Variants in NSMCE2 observed in about 807,000 individuals in gnomAD.
NSMCE2 encodes E3 SUMO-protein ligase NSE2.
Under a neutral mutation model 23.8 loss-of-function variants are expected in NSMCE2, and 24 were observed. The ratio of observed to expected loss-of-function variants is 1.01; its 90% CI spans 0.73 to 1.42. NSMCE2 has a LOEUF of 1.42. Among genes scored for constraint, NSMCE2 ranks in the 40% most tolerant of loss-of-function variants. The pLI is 0.00. For synonymous variants in NSMCE2, 92 were observed against 94.1 expected, an observed-to-expected ratio of 0.98 and a Z score of 0.13; for missense variants, 284 against 296.5, an observed-to-expected ratio of 0.96 and a Z score of 0.31.
chr8:125,102,689 G>A (rs972353346), intron 3 of NSMCE2, among the ~76,000 whole-genome samples: 2 of 152,160 alleles, frequency 1.3e-5, no homozygotes, highest in African/African-American at 2.4e-5. Flanking sequence ...AGACAGTTAA[G>A]TTCCATGAGA....
At chr8:125,109,036 A>G (rs1818604428) in intron 3 of NSMCE2, among the ~76,000 whole-genome samples, 1 of 152,230 alleles carries the variant, frequency 6.6e-6, no homozygotes, top group Non-Finnish European at 1.5e-5. Flanking sequence ...GCCAAAGAGG[A>G]GATTATGTCA....
intron 5 of NSMCE2, among the ~76,000 whole-genome samples, chr8:125,220,255 A>G (rs957962014): frequency 1.3e-5 from 2 of 152,150 alleles, no homozygotes; most frequent in Admixed American, 6.5e-5. Context: ...TGATGTTGCA[A>G]TCTTTATTTT....
At chr8:125,245,138 C>T (rs1246636623) in intron 5 of NSMCE2, among the ~76,000 whole-genome samples, 3 of 152,024 alleles carry the variant, frequency 2.0e-5, no homozygotes, top group African/African-American at 7.3e-5. Flanking sequence ...AAAAAATTAG[C>T]CCGGCGTGGT....
chr8:125,113,335 A>C (rs1818855937), intron 3 of NSMCE2, among the ~76,000 whole-genome samples: 1 of 152,146 alleles, frequency 6.6e-6, no homozygotes, highest in South Asian at 2.1e-4. Flanking sequence ...AAACATTTTT[A>C]AAATGAGTCA....
chr8:125,207,542 A>G (rs1218978164), intron 5 of NSMCE2, among the ~76,000 whole-genome samples: 1 of 152,236 alleles, frequency 6.6e-6, no homozygotes, highest in African/African-American at 2.4e-5. Flanking sequence ...AGAAATTAGT[A>G]TTGTGACACC....
chr8:125,195,320 G>A lies in NSMCE2; in HGVS notation c.418+13064G>A, dbSNP rs146881009. 5.1e-4 allele frequency among the ~76,000 whole-genome samples: 77 copies of A among 152,158 alleles called. No individual in the cohort carries two copies. In the East Asian group the frequency reaches 0.014, roughly 28 times the overall value. ...TTAATGTTCTCCTGGCAATGCTAAT[G>A]TACAATGAGGGTTGAAAATAATCTA... On this transcript the variant is annotated intron_variant, in intron 5 of 7. Coordinates refer to ENST00000287437, the MANE Select transcript of NSMCE2 (RefSeq NM_173685.4).
At chr8:125,113,398 G>A (rs1299693759) in intron 3 of NSMCE2, among the ~76,000 whole-genome samples, 1 of 152,110 alleles carries the variant, frequency 6.6e-6, no homozygotes, top group South Asian at 2.1e-4. Flanking sequence ...TGAGGCAGGA[G>A]AAGCCCAGGA....
In NSMCE2 at chr8:125,131,602, C is replaced by T. The variant is rs1819775044; in HGVS notation, c.158-19569C>T. ...ATGGTAGCTTTTCATTGAGTTCTAA[C>T]GTGGAAAAAAAAAATGCTTGGAGAT... On this transcript the variant is annotated intron_variant, in intron 3 of 7. Coordinates refer to ENST00000287437, the MANE Select transcript of NSMCE2 (RefSeq NM_173685.4). Among the ~76,000 whole-genome samples the T allele has an allele frequency of 2.7e-5, 4 of 150,780 alleles. No individual in the cohort carries two copies. The South Asian group carries it at 8.3e-4, about 31-fold the overall frequency.
chr8:125,174,576 A>G (rs1350519510), intron 4 of NSMCE2, among the ~76,000 whole-genome samples: 1 of 152,216 alleles, frequency 6.6e-6, no homozygotes, highest in Non-Finnish European at 1.5e-5. Flanking sequence ...AGGTTGCCTC[A>G]TTCAGCTTCC....
chr8:125,297,186 T>C (rs1448504575), intron 5 of NSMCE2, among the ~76,000 whole-genome samples: 2 of 152,216 alleles, frequency 1.3e-5, no homozygotes, highest in Non-Finnish European at 2.9e-5. Context: ...TTAGTCAAGG[T>C]AAATGTCTGA....
chr8:125,106,483 G>A (rs1277618436), intron 3 of NSMCE2, among the ~76,000 whole-genome samples: 2 of 152,006 alleles, frequency 1.3e-5, no homozygotes, highest in South Asian at 2.1e-4. Flanking sequence ...TTTGAGACCA[G>A]CCTGACCAAC....
intron 5 of NSMCE2, among the ~76,000 whole-genome samples, chr8:125,281,493 G>T (rs796923041): frequency 1.7e-4 from 26 of 152,090 alleles, no homozygotes; most frequent in African/African-American, 5.5e-4. Context: ...AGGTTGGAGT[G>T]CAGTGGCACA....
chr8:125,259,248 T>G (rs1366066860), intron 5 of NSMCE2, among the ~76,000 whole-genome samples: 2 of 152,126 alleles, frequency 1.3e-5, no homozygotes, highest in African/African-American at 4.8e-5. Context: ...GATGGGCTCC[T>G]GAGTGAACTC....
chr8:125,180,354 G>A (rs1822741625), intron 4 of NSMCE2, among the ~76,000 whole-genome samples: 1 of 152,128 alleles, frequency 6.6e-6, no homozygotes, highest in Non-Finnish European at 1.5e-5. Context: ...GGTGAATCCA[G>A]CACTTGGGGG....
intron 5 of NSMCE2, among the ~76,000 whole-genome samples, chr8:125,187,616 T>G (rs1057418385): frequency 6.6e-6 from 1 of 152,216 alleles, no homozygotes; most frequent in African/African-American, 2.4e-5. Flanking sequence ...TGGCGTCTTT[T>G]ATTCATTTAC....
intron 5 of NSMCE2, among the ~76,000 whole-genome samples, chr8:125,211,190 CTTTT>C (rs947517782): frequency 3.3e-5 from 5 of 152,036 alleles, no homozygotes; most frequent in African/African-American, 4.8e-5. Context: ...AAGGTTTTAT[CTTTT>C]TTATTAGGTG....
intron 5 of NSMCE2, among the ~76,000 whole-genome samples, chr8:125,221,106 T>C (rs1020661931): frequency 1.3e-5 from 2 of 152,204 alleles, no homozygotes; most frequent in African/African-American, 4.8e-5. Context: ...CCAAGGCATA[T>C]AAATGAGTTT....
chr8:125,135,275 T>TCCTGG (rs1269046329), intron 3 of NSMCE2, among the ~76,000 whole-genome samples: 3 of 152,138 alleles, frequency 2.0e-5, no homozygotes, highest in African/African-American at 7.2e-5. Context: ...GGTCTCAAAT[T>TCCTGG]CCTGGCCTTA....
At chr8:125,198,445 G>T (rs201987635) in intron 5 of NSMCE2, among the ~76,000 whole-genome samples, 5 of 152,218 alleles carry the variant, frequency 3.3e-5, no homozygotes, top group African/African-American at 9.6e-5. Flanking sequence ...ATTGAGATAA[G>T]CATGTGGTTT....
Sources: gnomAD v4.1 joint callset for allele counts (sites outside exome capture counted in the v4.1 genomes callset) on GRCh38, gnomAD v4.1.1 for gene constraint, MANE v1.5 for transcripts, NCBI Gene and HGNC (gene_info 2026-07-23, HGNC 2026-07-21) for gene names.